The following PRLR variants were observed in gnomAD, a reference collection of about 807,000 sequenced individuals.
The protein encoded by PRLR is prolactin receptor, also known as hPRL receptor.
In PRLR, 13 loss-of-function variants were observed where a neutral mutation model predicts 40.2. The ratio of observed to expected loss-of-function variants is 0.32; its 90% CI spans 0.21 to 0.51. The LOEUF (loss-of-function observed/expected upper bound fraction) is 0.51. PRLR is among the 20% of genes least tolerant of loss of function. PRLR has a pLI of 0.97. For missense variants in PRLR, 656 were observed against 747.3 expected, an observed-to-expected ratio of 0.88 and a Z score of 1.42; for synonymous variants, 269 against 278.7, an observed-to-expected ratio of 0.97 and a Z score of 0.35.
intron 3 of PRLR, 27 bp from the exon 4 acceptor site, chr5:35,086,367 C>T: frequency 1.2e-6 from 2 of 1,611,276 alleles, no homozygotes; most frequent in Non-Finnish European, 1.7e-6. Context: ...GCCACTGCAT[C>T]AATATTGAGG....
At chr5:35,090,789 C>CTT (rs1202540235) in intron 2 of PRLR, among the ~76,000 whole-genome samples, 1 of 105,070 alleles carries the variant, frequency 9.5e-6, no homozygotes, top group Admixed American at 1.1e-4. Context: ...CATCAATTAG[C>CTT]TCTTTTTTTT....
At chr5:35,189,097 A>T (rs191955719) in intron 1 of PRLR, among the ~76,000 whole-genome samples, 1 of 152,284 alleles carries the variant, frequency 6.6e-6, no homozygotes, top group Non-Finnish European at 1.5e-5. Context: ...ACATGCATGC[A>T]GGGGCAGCAC....
At chr5:35,152,677 T>C (rs1414897500) in intron 1 of PRLR, 1 of 152,234 alleles carries the variant, frequency 6.6e-6, no homozygotes, top group African/African-American at 2.4e-5. Flanking sequence ...TCACAATATA[T>C]TGGGAGTTAT....
chr5:35,160,621 A>G (rs987649938), intron 1 of PRLR, among the ~76,000 whole-genome samples: 1 of 152,134 alleles, frequency 6.6e-6, no homozygotes, highest in Non-Finnish European at 1.5e-5. Context: ...AAATTCCCCA[A>G]TTACTCCTGC....
At chr5:35,090,485 A>G (rs1210022854) in intron 2 of PRLR, among the ~76,000 whole-genome samples, 2 of 152,192 alleles carry the variant, frequency 1.3e-5, no homozygotes, top group Non-Finnish European at 2.9e-5. Context: ...GTCTTGTTGG[A>G]CTTCAAACAA....
At chr5:35,186,013 C>G (rs1053228705) in intron 1 of PRLR, among the ~76,000 whole-genome samples, 2 of 152,164 alleles carry the variant, frequency 1.3e-5, no homozygotes, top group Non-Finnish European at 2.9e-5. Context: ...ATCTAGGAGA[C>G]AGTCGCCATA....
intron 1 of PRLR, among the ~76,000 whole-genome samples, chr5:35,157,295 C>A (rs1413381708): frequency 1.3e-5 from 2 of 152,048 alleles, no homozygotes; most frequent in Non-Finnish European, 2.9e-5. Context: ...ACTGGTGGTC[C>A]AAATTTATAT....
In PRLR at chr5:35,156,593, T is replaced by C. The variant is rs1317859383; in HGVS notation, c.-105-38471A>G. ...TGCCATTTGGCCAGTATGGTCTCCTTGATGCTCCTGAATGTACCGGGCAGG... is the reference window on the plus strand; with the variant it reads ...TGCCATTTGGCCAGTATGGTCTCCTCGATGCTCCTGAATGTACCGGGCAGG... On this transcript the variant is annotated intron_variant, in intron 1 of 9. Transcript: ENST00000618457. Among the ~76,000 whole-genome samples the C allele has an allele frequency of 2.6e-5, 4 of 152,214 alleles. No individual in the cohort carries two copies. The East Asian group carries it at 7.7e-4, about 29-fold the overall frequency.
chr5:35,076,192 A>T (rs949012745), intron 5 of PRLR, among the ~76,000 whole-genome samples: 3 of 152,258 alleles, frequency 2.0e-5, no homozygotes, highest in Non-Finnish European at 4.4e-5. Context: ...ACGGAGAATG[A>T]CTTTGACGAG....
rs546579365 is a variant in PRLR at position 35,086,872 on chromosome 5, A to C, written c.71-532T>G. On this transcript the variant is annotated intron_variant, in intron 3 of 9. Transcript: ENST00000618457. ...ATCTCCATCTTTCTGCCATCCCCAC[A>C]CAATGAACTCAACTTGTTCCTGATC... Among the ~76,000 whole-genome samples the C allele has an allele frequency of 2.0e-5, 3 of 152,220 alleles. No individual in the cohort carries two copies. The South Asian group carries it at 6.2e-4, about 32-fold the overall frequency.
At chr5:35,223,576 T>C (rs905697190) in intron 1 of PRLR, among the ~76,000 whole-genome samples, 2 of 152,322 alleles carry the variant, frequency 1.3e-5, no homozygotes, top group East Asian at 1.9e-4. Flanking sequence ...GAGGTGGCTC[T>C]CTCCTTCTCT....
chr5:35,125,592 T>A (rs1773430848), intron 1 of PRLR, among the ~76,000 whole-genome samples: 1 of 152,328 alleles, frequency 6.6e-6, no homozygotes, highest in African/African-American at 2.4e-5. Flanking sequence ...CATAAGGGGT[T>A]TTCTGTAAAG....
At chr5:35,123,900 G>A (rs1773373670) in intron 1 of PRLR, among the ~76,000 whole-genome samples, 1 of 152,184 alleles carries the variant, frequency 6.6e-6, no homozygotes, top group Non-Finnish European at 1.5e-5. Flanking sequence ...AAGTTCCTCT[G>A]CTCTTTTCAC....
At chr5:35,216,807 C>T (rs1480595079) in intron 1 of PRLR, among the ~76,000 whole-genome samples, 1 of 152,150 alleles carries the variant, frequency 6.6e-6, no homozygotes, top group Non-Finnish European at 1.5e-5. Flanking sequence ...AAGTTTAACC[C>T]ACTTATTGAA....
chr5:35,103,384 C>T (rs780558446), intron 2 of PRLR, among the ~76,000 whole-genome samples: 41 of 152,202 alleles, frequency 2.7e-4, no homozygotes, highest in Admixed American at 1.3e-4. Flanking sequence ...GGTTGCTAGG[C>T]TTCCTGGGCC....
rs1769018332 is a variant in PRLR at position 35,061,184 on chromosome 5, CA to C, written c.*3904del. On this transcript the variant is annotated 3_prime_UTR_variant, in exon 10 of 10. Coordinates refer to ENST00000618457, the MANE Select transcript of PRLR (RefSeq NM_000949.7). The stretch of plus-strand genomic sequence containing the variant: ...TTTCTAATCAATACATTTTTCCTTG[CA>C]AAATGAAAACTTTAAAAAAAAATAG... 1 of 151,540 alleles carries C rather than the reference CA, an allele frequency of 6.6e-6. No homozygotes were observed. The highest frequency in any genetic ancestry group is 6.6e-5 in the Admixed American group (1 of 15,208). The allele number at this position is 151,540 out of a possible 1,614,324, so 9.4% of individuals were successfully genotyped here. A position where few individuals can be genotyped will look rare whatever the true frequency, so the allele number is the denominator to read the frequency against.
At chr5:35,218,898 G>A (rs1430913762) in intron 1 of PRLR, among the ~76,000 whole-genome samples, 1 of 152,120 alleles carries the variant, frequency 6.6e-6, no homozygotes, top group Non-Finnish European at 1.5e-5. Flanking sequence ...TTGATAAGTG[G>A]CAGGTGGGTG....
intron 2 of PRLR, among the ~76,000 whole-genome samples, chr5:35,112,319 A>AT (rs1772710094): frequency 6.6e-6 from 1 of 152,098 alleles, no homozygotes; most frequent in Non-Finnish European, 1.5e-5. Flanking sequence ...TGAAAAACTC[A>AT]TTTTTCAGAG....
intron 1 of PRLR, among the ~76,000 whole-genome samples, chr5:35,157,103 A>T (rs1280629947): frequency 1.3e-5 from 2 of 152,000 alleles, no homozygotes; most frequent in Non-Finnish European, 2.9e-5. Context: ...GTGTAGTCAC[A>T]AGACTTGAGG....
Sources: allele counts gnomAD v4.1 joint callset (sites outside exome capture counted in the v4.1 genomes callset), GRCh38; gene constraint gnomAD v4.1.1; transcripts MANE v1.5; gene names NCBI Gene and HGNC (gene_info 2026-07-23, HGNC 2026-07-21).